Variants in FMNL2 observed in about 807,000 individuals in gnomAD.
FMNL2 encodes the protein formin like 2.
FMNL2 carries 51 observed loss-of-function variants against 130.2 expected under a neutral mutation model. The observed-to-expected ratio is 0.39, with a 90% CI of 0.31 to 0.49. The LOEUF (loss-of-function observed/expected upper bound fraction) is 0.49. FMNL2 is among the 20% of genes least tolerant of loss of function. The probability of loss-of-function intolerance (pLI) is 0.85; values close to 1 mark genes in which losing one functional copy is unlikely to be tolerated. For synonymous variants in FMNL2, 465 were observed against 467.1 expected, an observed-to-expected ratio of 1.00 and a Z score of 0.06; for missense variants, 977 against 1,316.2, an observed-to-expected ratio of 0.74 and a Z score of 3.99.
At chr2:152,437,028 T>A (rs1013171323) in intron 1 of FMNL2, among the ~76,000 whole-genome samples, 2 of 152,204 alleles carry the variant, frequency 1.3e-5, no homozygotes, top group Admixed American at 1.3e-4. Flanking sequence ...GGTGAAGGTA[T>A]GCTTCATGGT....
chr2:152,398,298 A>G (rs1685508671), intron 1 of FMNL2, among the ~76,000 whole-genome samples: 1 of 152,210 alleles, frequency 6.6e-6, no homozygotes, highest in South Asian at 2.1e-4. Flanking sequence ...GATTTTTTAT[A>G]TGATGAGTTA....
chr2:152,353,103 A>C (rs903790236), intron 1 of FMNL2, among the ~76,000 whole-genome samples: 3 of 152,232 alleles, frequency 2.0e-5, no homozygotes, highest in African/African-American at 7.2e-5. Context: ...ACTGCCTAGT[A>C]GATGAGATAC....
intron 25 of FMNL2, 61 bp downstream of exon 25, chr2:152,640,975 T>C (rs76336190): frequency 2.5e-6 from 4 of 1,599,894 alleles, no homozygotes; most frequent in East Asian, 2.2e-5. Context: ...TAGACTGGGA[T>C]GCATGCAGAT....
chr2:152,604,894 C>A (rs190261286), intron 9 of FMNL2, among the ~76,000 whole-genome samples: 1 of 152,252 alleles, frequency 6.6e-6, no homozygotes, highest in East Asian at 1.9e-4. Flanking sequence ...CCGTGCCCAG[C>A]CTGTATTGGG....
intron 9 of FMNL2, among the ~76,000 whole-genome samples, chr2:152,595,291 G>C (rs916209102): frequency 1.3e-5 from 2 of 152,148 alleles, no homozygotes; most frequent in African/African-American, 2.4e-5. Context: ...TTTGTTCCTT[G>C]TGTATTTGTT....
At chr2:152,408,510 T>A (rs1686119416) in intron 1 of FMNL2, among the ~76,000 whole-genome samples, 1 of 152,240 alleles carries the variant, frequency 6.6e-6, no homozygotes, top group Non-Finnish European at 1.5e-5. Flanking sequence ...TAGCAGAGAT[T>A]AAATGAAATT....
At chr2:152,522,104 T>G (rs991520604) in intron 2 of FMNL2, 78 bp downstream of exon 2, 26 of 1,172,768 alleles carry the variant, frequency 2.2e-5, no homozygotes, top group Admixed American at 1.5e-4. Context: ...GGTATGTCAA[T>G]ATCATGATTG....
chr2:152,537,472 G>A (rs116572550), intron 2 of FMNL2, among the ~76,000 whole-genome samples: 1 of 152,128 alleles, frequency 6.6e-6, no homozygotes, highest in Non-Finnish European at 1.5e-5. Flanking sequence ...TTAGATCTAC[G>A]AGAGACACAG....
Position 152,623,299 on chromosome 2 carries a change from T to C in FMNL2, c.1838-2139T>C, listed in dbSNP as rs73971921. Among the ~76,000 whole-genome samples the C allele has an allele frequency of 2.6e-3, 390 of 152,348 alleles. 1 individual carries two copies. The highest frequency in any genetic ancestry group is 9.1e-3 in the African/African-American group (378 of 41,582). ...AACATTGCCGAAGTGCCAGAGGCAA[T>C]GCTAGGGCAAGTGCTAGAGGAAAGT... is the stretch of plus-strand genomic sequence containing the variant. On this transcript the variant is annotated intron_variant, in intron 15 of 25. Transcript: ENST00000288670.
At chr2:152,594,895 T>C (rs1453982329) in intron 9 of FMNL2, among the ~76,000 whole-genome samples, 2 of 152,122 alleles carry the variant, frequency 1.3e-5, no homozygotes, top group Non-Finnish European at 1.5e-5. Flanking sequence ...TAGAAGAAAA[T>C]AGCCCAGTGG....
At chr2:152,480,331 A>G (rs1164585222) in intron 1 of FMNL2, among the ~76,000 whole-genome samples, 2 of 152,306 alleles carry the variant, frequency 1.3e-5, no homozygotes, top group South Asian at 2.1e-4. Flanking sequence ...GGTAATTTCT[A>G]AATTAAAAAT....
rs1699122292 is a variant in FMNL2 at position 152,619,496 on chromosome 2, T to C, written c.1628-13T>C. 1 of 1,549,930 alleles carries C rather than the reference T, an allele frequency of 6.5e-7. No individual in the cohort carries two copies. Among genetic ancestry groups the C allele is most frequent in the Non-Finnish European group, 8.7e-7 (1 of 1,146,896 alleles). ...TATTTTCAAAGTCCATCTGTTTCTTTTTTCTTTGCTAGTGCAAAATGGTCC... is the reference window on the plus strand; with the variant it reads ...TATTTTCAAAGTCCATCTGTTTCTTCTTTCTTTGCTAGTGCAAAATGGTCC... On this transcript the variant is annotated splice_polypyrimidine_tract_variant and intron_variant, in intron 14 of 25. Coordinates refer to ENST00000288670, the MANE Select transcript of FMNL2 (RefSeq NM_052905.4).
At chr2:152,479,441 G>A (rs1690353685) in intron 1 of FMNL2, among the ~76,000 whole-genome samples, 1 of 152,158 alleles carries the variant, frequency 6.6e-6, no homozygotes, top group Non-Finnish European at 1.5e-5. Flanking sequence ...CACTGCTTCC[G>A]GCCAAGTGAA....
chr2:152,385,541 G>A (rs1684732243), intron 1 of FMNL2, among the ~76,000 whole-genome samples: 1 of 152,176 alleles, frequency 6.6e-6, no homozygotes, highest in South Asian at 2.1e-4. Flanking sequence ...ATATGTTGTC[G>A]ACCAGATGGT....
chr2:152,385,666 C>T (rs1025892196), intron 1 of FMNL2, among the ~76,000 whole-genome samples: 1 of 152,174 alleles, frequency 6.6e-6, no homozygotes, highest in Non-Finnish European at 1.5e-5. Flanking sequence ...TTGCATTCAA[C>T]TGATTTGGTC....
At chr2:152,431,150 A>G (rs1687471922) in intron 1 of FMNL2, among the ~76,000 whole-genome samples, 1 of 152,182 alleles carries the variant, frequency 6.6e-6, no homozygotes, top group Non-Finnish European at 1.5e-5. Flanking sequence ...TCTTTCTCAC[A>G]CAAAGGAAAA....
intron 15 of FMNL2, chr2:152,622,412 C>T (rs942605932): frequency 1.1e-5 from 5 of 448,486 alleles, no homozygotes; most frequent in African/African-American, 6.0e-5. Flanking sequence ...GGCTCTGTGC[C>T]GCCTTGTGAA....
At chr2:152,482,300 C>T (rs1690570428) in intron 1 of FMNL2, among the ~76,000 whole-genome samples, 2 of 152,108 alleles carry the variant, frequency 1.3e-5, no homozygotes, top group East Asian at 1.9e-4. Context: ...TTTCTTTCTC[C>T]CCTAGCCAGT....
intron 1 of FMNL2, among the ~76,000 whole-genome samples, chr2:152,350,071 T>TA (rs1342157888): frequency 2.0e-5 from 3 of 152,080 alleles, no homozygotes; most frequent in Non-Finnish European, 4.4e-5. Flanking sequence ...ATGGAGCGTT[T>TA]AGATGGTGGA....
Sources: allele counts gnomAD v4.1 joint callset (sites outside exome capture counted in the v4.1 genomes callset), GRCh38; gene constraint gnomAD v4.1.1; transcripts MANE v1.5; gene names NCBI Gene and HGNC (gene_info 2026-07-23, HGNC 2026-07-21).